The following RAMP1 variants were observed in gnomAD, a reference collection of about 807,000 sequenced individuals.
RAMP1 encodes receptor activity-modifying protein 1.
In RAMP1, 7 loss-of-function variants were observed where a neutral mutation model predicts 8.2. That is an observed-to-expected ratio of 0.85 (90% CI 0.49 to 1.60). RAMP1 has a LOEUF of 1.60. RAMP1 is among the 40% of genes most tolerant of loss of function. The pLI, the probability that RAMP1 is intolerant of heterozygous loss-of-function variation, is 0.00. For missense variants in RAMP1, 192 were observed against 202.4 expected, an observed-to-expected ratio of 0.95 and a Z score of 0.31; for synonymous variants, 92 against 84.7, an observed-to-expected ratio of 1.09 and a Z score of -0.47.
intron 2 of RAMP1, among the ~76,000 whole-genome samples, chr2:237,908,146 T>C (rs1218172662): frequency 6.6e-6 from 1 of 152,250 alleles, no homozygotes; most frequent in African/African-American, 2.4e-5. Flanking sequence ...CCCCACCCTC[T>C]GCTTTCAGCT....
At chr2:237,863,144 G>T (rs1437856882) in intron 1 of RAMP1, among the ~76,000 whole-genome samples, 7 of 152,164 alleles carry the variant, frequency 4.6e-5, no homozygotes, top group Non-Finnish European at 1.0e-4. Flanking sequence ...ACCCAGGGAG[G>T]CCTCCTGAAA....
At chr2:237,908,596 C>T (rs1055451783) in intron 2 of RAMP1, among the ~76,000 whole-genome samples, 1 of 152,094 alleles carries the variant, frequency 6.6e-6, no homozygotes, top group African/African-American at 2.4e-5. Flanking sequence ...CGCCACTGTG[C>T]CTGGCTAATT....
rs1330440599 is a variant in RAMP1, at chr2:237,878,592, G to A, written c.191+1230G>A. On this transcript the variant is annotated intron_variant, in intron 2 of 2. Coordinates refer to ENST00000254661, the MANE Select transcript of RAMP1 (RefSeq NM_005855.4). The surrounding 1 kb of genome is among the most constrained non-coding windows in gnomAD (Gnocchi z 5.7). ...CTCAGAGCCCCGCTGGCCACAGCCT[G>A]CCCTCTTCAGTCCTACTGAGATTGG... Among the ~76,000 whole-genome samples the A allele has an allele frequency of 6.6e-6, 1 of 152,178 alleles. No individual in the cohort carries two copies. Among genetic ancestry groups the A allele is most frequent in the Non-Finnish European group, 1.5e-5 (1 of 68,030 alleles).
At chr2:237,866,132 G>A (rs543049580) in intron 1 of RAMP1, among the ~76,000 whole-genome samples, 8 of 152,270 alleles carry the variant, frequency 5.3e-5, no homozygotes, top group African/African-American at 1.7e-4. Flanking sequence ...AGAAACAGCA[G>A]TCTGTTCCTC....
chr2:237,906,445 T>A (rs943574493), intron 2 of RAMP1, among the ~76,000 whole-genome samples: 1 of 152,130 alleles, frequency 6.6e-6, no homozygotes, highest in African/African-American at 2.4e-5. Context: ...AGGCCCCTAC[T>A]TTTTCTGTAT....
chr2:237,874,848 G>A, intron 1 of RAMP1: 1 of 408,884 alleles, frequency 2.4e-6, no homozygotes, highest in Non-Finnish European at 3.3e-6. Context: ...CACCAGCCCT[G>A]AGTGAGGCTC....
At chr2:237,907,646 AC>A (rs2062667070) in intron 2 of RAMP1, among the ~76,000 whole-genome samples, 1 of 151,988 alleles carries the variant, frequency 6.6e-6, no homozygotes, top group South Asian at 2.1e-4. Flanking sequence ...ATTTCTAGCA[AC>A]TGTCTTTGAC....
intron 2 of RAMP1, among the ~76,000 whole-genome samples, chr2:237,885,680 A>G (rs1237482206): frequency 6.6e-6 from 1 of 151,796 alleles, no homozygotes; most frequent in Non-Finnish European, 1.5e-5. Context: ...CTCCCTGCCT[A>G]CTGACCTCCC....
intron 2 of RAMP1, among the ~76,000 whole-genome samples, chr2:237,900,942 G>A (rs1266415373): frequency 6.6e-6 from 1 of 152,228 alleles, no homozygotes; most frequent in Non-Finnish European, 1.5e-5. Flanking sequence ...GACAGTCACT[G>A]CATCGGTTTA....
At chr2:237,875,601 G>T (rs909412748) in intron 1 of RAMP1, among the ~76,000 whole-genome samples, 1 of 152,166 alleles carries the variant, frequency 6.6e-6, no homozygotes, top group Non-Finnish European at 1.5e-5. Context: ...ATGCAGGCCC[G>T]ACTGCACCCA....
Position 237,911,630 on chromosome 2 carries a change from C to T in RAMP1, c.294C>T (p.Gly98=). The T allele has an allele frequency of 6.2e-7, 1 of 1,614,138 alleles. No homozygotes were observed. The highest frequency in any genetic ancestry group is 8.5e-7 in the Non-Finnish European group (1 of 1,180,012). ...EVDRFFLAVH[G]RYFRSCPISG... The stretch of plus-strand genomic sequence containing the variant: ...ACAGGTTCTTCCTGGCAGTGCATGG[C>T]CGCTACTTCAGGAGCTGCCCCATCT... Residue 98 remains glycine, a synonymous_variant, in exon 3 of 3, where the codon GGC becomes GGT. Coordinates refer to ENST00000254661, the MANE Select transcript of RAMP1 (RefSeq NM_005855.4).
In RAMP1 at chr2:237,911,926, C is replaced by A; in HGVS notation, c.*143C>A. The A allele has an allele frequency of 7.6e-7, 1 of 1,322,588 alleles. No individual in the cohort carries two copies. Among genetic ancestry groups the A allele is most frequent in the Non-Finnish European group, 1.0e-6 (1 of 995,886 alleles). The allele number at this position is 1,322,588 out of a possible 1,614,324, so 81.9% of individuals were successfully genotyped here. On this transcript the variant is annotated 3_prime_UTR_variant, in exon 3 of 3. Transcript: ENST00000254661. ...CAGCCAAGAAGAGCTCACAGGAGTC[C>A]AGAGTAGCCGAGGCTCTGGTATTAA...
At chr2:237,876,679 C>T (rs1014251046) in intron 1 of RAMP1, among the ~76,000 whole-genome samples, 1 of 152,050 alleles carries the variant, frequency 6.6e-6, no homozygotes, top group South Asian at 2.1e-4. Flanking sequence ...CAGTGAGCTA[C>T]GGGGGAAATT....
At chr2:237,904,915 G>A (rs2062638171) in intron 2 of RAMP1, among the ~76,000 whole-genome samples, 1 of 152,128 alleles carries the variant, frequency 6.6e-6, no homozygotes, top group Admixed American at 6.5e-5. Flanking sequence ...GGGCCAGCCG[G>A]GGGTAGCTGG....
intron 2 of RAMP1, among the ~76,000 whole-genome samples, chr2:237,897,554 T>C (rs1256140161): frequency 6.6e-6 from 1 of 152,182 alleles, no homozygotes; most frequent in Non-Finnish European, 1.5e-5. Context: ...GAGAGAGGCC[T>C]TTGTCCTCCT....
intron 2 of RAMP1, among the ~76,000 whole-genome samples, chr2:237,888,962 G>A (rs989023627): frequency 4.0e-5 from 6 of 151,806 alleles, no homozygotes; most frequent in Admixed American, 6.6e-5. Context: ...TAATAGAGAC[G>A]GGGTTTCACC....
intron 2 of RAMP1, among the ~76,000 whole-genome samples, chr2:237,881,502 C>T (rs968804777): frequency 2.6e-5 from 4 of 152,250 alleles, no homozygotes; most frequent in African/African-American, 9.6e-5. Flanking sequence ...TTTGCAACGT[C>T]CCTCCAGAAG....
intron 2 of RAMP1, among the ~76,000 whole-genome samples, chr2:237,909,526 A>C (rs1420744254): frequency 1.3e-5 from 2 of 152,108 alleles, no homozygotes; most frequent in Admixed American, 6.5e-5. Flanking sequence ...CCTGAGTCTC[A>C]GGGCTGTTCT....
At chr2:237,888,780 T>C (rs1471985871) in intron 2 of RAMP1, among the ~76,000 whole-genome samples, 1 of 152,190 alleles carries the variant, frequency 6.6e-6, no homozygotes, top group Non-Finnish European at 1.5e-5. Context: ...TTTTTTTGTT[T>C]GTTTGTTTTG....
Sources: allele counts gnomAD v4.1 joint callset (sites outside exome capture counted in the v4.1 genomes callset), GRCh38; gene constraint gnomAD v4.1.1; non-coding constraint Gnocchi (gnomAD v3.1); transcripts MANE v1.5; gene names NCBI Gene and HGNC (gene_info 2026-07-23, HGNC 2026-07-21).